RAD51B: variants seen among roughly 807,000 people sequenced by gnomAD.
RAD51B encodes RAD51 paralog B.
In RAD51B, 38 loss-of-function variants were observed where a neutral mutation model predicts 42.2. The ratio of observed to expected loss-of-function variants is 0.90; its 90% CI spans 0.70 to 1.18. The LOEUF is 1.18. Among genes scored for constraint, RAD51B ranks in the 50% most tolerant of loss-of-function variants. The pLI, the probability that RAD51B is intolerant of heterozygous loss-of-function variation, is 0.00. For missense variants in RAD51B, 373 were observed against 400.7 expected (o/e 0.93, Z 0.59); for synonymous variants, 154 against 145.2 (o/e 1.06, Z -0.43).
At chr14:68,213,145 A>AT (rs1300728544) in intron 7 of RAD51B, among the ~76,000 whole-genome samples, 4 of 152,162 alleles carry the variant, frequency 2.6e-5, no homozygotes, top group Non-Finnish European at 5.9e-5. Context: ...GTGAGATAGG[A>AT]TTTTTTAAAG....
chr14:68,033,092 T>G (rs907179531), intron 7 of RAD51B, among the ~76,000 whole-genome samples: 1 of 152,116 alleles, frequency 6.6e-6, no homozygotes, highest in Non-Finnish European at 1.5e-5. Flanking sequence ...CAGTTCCTTA[T>G]CTCCCCCCAA....
At chr14:68,440,680 A>C (rs1423810099) in intron 9 of RAD51B, among the ~76,000 whole-genome samples, 2 of 152,040 alleles carry the variant, frequency 1.3e-5, no homozygotes, top group African/African-American at 4.8e-5. Context: ...TGGGAGGTGG[A>C]GGTTGCAGTG....
At chr14:68,554,359 TCA>T (rs1238701654) in intron 10 of RAD51B, among the ~76,000 whole-genome samples, 1 of 152,214 alleles carries the variant, frequency 6.6e-6, no homozygotes, top group Non-Finnish European at 1.5e-5. Flanking sequence ...AAGAGTGGTC[TCA>T]GTGTCCTACC....
intron 7 of RAD51B, among the ~76,000 whole-genome samples, chr14:68,219,105 C>T (rs1275438974): frequency 3.3e-5 from 5 of 152,176 alleles, no homozygotes; most frequent in African/African-American, 1.2e-4. Flanking sequence ...CTAAAACTCC[C>T]GGCAGAGCAG....
At chr14:67,961,105 C>T (rs1320180753) in intron 7 of RAD51B, among the ~76,000 whole-genome samples, 1 of 152,156 alleles carries the variant, frequency 6.6e-6, no homozygotes, top group Non-Finnish European at 1.5e-5. Flanking sequence ...TTCCTGGGCT[C>T]AAGTGATTCT....
At chr14:68,547,683 A>G (rs1888309671) in intron 10 of RAD51B, among the ~76,000 whole-genome samples, 1 of 152,172 alleles carries the variant, frequency 6.6e-6, no homozygotes, top group East Asian at 1.9e-4. Context: ...CTCCAAGTAC[A>G]AGTGAGCAGG....
intron 7 of RAD51B, among the ~76,000 whole-genome samples, chr14:68,116,169 G>A (rs1404728234): frequency 1.3e-5 from 2 of 151,988 alleles, no homozygotes; most frequent in Non-Finnish European, 2.9e-5. Flanking sequence ...TTTGACTGGT[G>A]GAAATTATTG....
At position 67,907,047 on chromosome 14, in the gene RAD51B, G is replaced by C. The variant is rs567908520; in HGVS notation, c.756+19843G>C. On this transcript the variant is annotated intron_variant, in intron 7 of 10. Transcript: ENST00000471583. ...TGGTCTTGAAGTCCCGACCTGAGGT[G>C]ATCTGCCCATCTTGGCCTCCCAAAG... Among the ~76,000 whole-genome samples the C allele has an allele frequency of 2.0e-5, 3 of 152,198 alleles. No homozygotes were observed. In the South Asian group the frequency reaches 6.2e-4, roughly 32 times the overall value.
chr14:68,537,234 C>G (rs897076552), intron 10 of RAD51B, among the ~76,000 whole-genome samples: 6 of 152,018 alleles, frequency 3.9e-5, no homozygotes, highest in South Asian at 2.1e-4. Flanking sequence ...CGCAGTGGCT[C>G]ACGCCTGTAA....
chr14:68,503,713 T>C (rs771694663), intron 10 of RAD51B, among the ~76,000 whole-genome samples: 19 of 152,180 alleles, frequency 1.2e-4, no homozygotes, highest in Non-Finnish European at 1.9e-4. Context: ...AAGAAGATGT[T>C]AGTAGATGTT....
intron 7 of RAD51B, among the ~76,000 whole-genome samples, chr14:68,065,401 G>A (rs1648754694): frequency 6.6e-6 from 1 of 152,200 alleles, no homozygotes; most frequent in African/African-American, 2.4e-5. Flanking sequence ...CTCCCCTGGG[G>A]CCATGTGCTG....
intron 8 of RAD51B, among the ~76,000 whole-genome samples, chr14:68,308,116 C>T (rs1464105205): frequency 6.6e-6 from 1 of 152,090 alleles, no homozygotes; most frequent in African/African-American, 2.4e-5. Flanking sequence ...GGTATTTTCT[C>T]CTGTTGTTTT....
chr14:68,361,433 A>T (rs1224866690), intron 8 of RAD51B, among the ~76,000 whole-genome samples: 1 of 151,946 alleles, frequency 6.6e-6, no homozygotes, highest in East Asian at 1.9e-4. Context: ...AGGCTGGGGA[A>T]CTCTTGCCAG....
At chr14:67,999,206 A>G (rs2075436879) in intron 7 of RAD51B, among the ~76,000 whole-genome samples, 1 of 151,972 alleles carries the variant, frequency 6.6e-6, no homozygotes, top group South Asian at 2.1e-4. Flanking sequence ...CAGTTTTTTC[A>G]GTGTTTACAG....
intron 10 of RAD51B, among the ~76,000 whole-genome samples, chr14:68,472,749 C>T (rs151125300): frequency 1.5e-3 from 227 of 152,202 alleles, no homozygotes; most frequent in African/African-American, 4.6e-3. Flanking sequence ...GAGACAGGTC[C>T]GGAGAAGGTG....
downstream of RAD51B, among the ~76,000 whole-genome samples, chr14:68,597,660 G>C (rs753326980): frequency 6.6e-6 from 1 of 152,166 alleles, no homozygotes; most frequent in Admixed American, 6.5e-5. Flanking sequence ...GGGAGAAGAG[G>C]AGGGAGAGGA....
At position 68,438,518 on chromosome 14, in the gene RAD51B, C is replaced by T. The variant is rs114535915; in HGVS notation, c.957+26991C>T. Among the ~76,000 whole-genome samples, 304 of 152,262 alleles carry T rather than the reference C, an allele frequency of 2.0e-3. 2 individuals carry two copies. Among genetic ancestry groups the T allele is most frequent in the African/African-American group, 7.1e-3 (294 of 41,542 alleles). On this transcript the variant is annotated intron_variant, in intron 9 of 10. Coordinates refer to ENST00000471583, the MANE Select transcript of RAD51B (RefSeq NM_133510.4). ...TGTATGGCTGCTTCCATTCTTCCATCCAGGCCTCAATGACTGCCATCAAGA... is the reference window on the plus strand; with the variant it reads ...TGTATGGCTGCTTCCATTCTTCCATTCAGGCCTCAATGACTGCCATCAAGA...
chr14:68,031,956 G>C (rs2140372028), intron 7 of RAD51B, among the ~76,000 whole-genome samples: 1 of 152,172 alleles, frequency 6.6e-6, no homozygotes, highest in Non-Finnish European at 1.5e-5. Context: ...GAAGGATTTT[G>C]ATTTTTCTCT....
chr14:68,292,792 T>C (rs759867763), intron 8 of RAD51B, among the ~76,000 whole-genome samples: 1 of 152,198 alleles, frequency 6.6e-6, no homozygotes, highest in Non-Finnish European at 1.5e-5. Flanking sequence ...TTTATGGTCT[T>C]AGAAATTGCA....
Sources: allele counts gnomAD v4.1 joint callset (sites outside exome capture counted in the v4.1 genomes callset), GRCh38; gene constraint gnomAD v4.1.1; transcripts MANE v1.5; gene names NCBI Gene and HGNC (gene_info 2026-07-23, HGNC 2026-07-21).